DPYSL2: variants seen among roughly 807,000 people sequenced by gnomAD.
The protein encoded by DPYSL2 is dihydropyrimidinase-related protein 2.
A neutral mutation model predicts 69.9 loss-of-function variants in DPYSL2; 13 were observed. The observed-to-expected ratio is 0.19, with a 90% CI of 0.12 to 0.30. The LOEUF (loss-of-function observed/expected upper bound fraction) is 0.30. Ranked by LOEUF, DPYSL2 falls within the 10% of genes least tolerant of loss-of-function variation. The probability of loss-of-function intolerance (pLI) is 1.00; values close to 1 mark genes in which losing one functional copy is unlikely to be tolerated. For synonymous variants in DPYSL2, 326 were observed against 359.1 expected, an observed-to-expected ratio of 0.91 and a Z score of 1.04; for missense variants, 587 against 918.9, an observed-to-expected ratio of 0.64 and a Z score of 4.67.
intron 3 of DPYSL2, among the ~76,000 whole-genome samples, chr8:26,590,987 G>A (rs1309550489): frequency 2.0e-5 from 3 of 152,234 alleles, no homozygotes; most frequent in Non-Finnish European, 4.4e-5. Context: ...TCTGTTTCGT[G>A]GACATTGTGG....
chr8:26,522,338 A>C (rs1248264806), intron 1 of DPYSL2, among the ~76,000 whole-genome samples: 1 of 138,508 alleles, frequency 7.2e-6, no homozygotes. Flanking sequence ...CAAACAAACA[A>C]ATGTTTTCAG....
intron 1 of DPYSL2, among the ~76,000 whole-genome samples, chr8:26,541,355 T>C (rs1168241410): frequency 1.3e-5 from 2 of 152,178 alleles, no homozygotes; most frequent in Admixed American, 1.3e-4. Context: ...CAAACAAAAA[T>C]GAGGAGTTCA....
At position 26,565,381 on chromosome 8, in the gene DPYSL2, C is replaced by T. The variant is rs1801132965; in HGVS notation, c.355-16588C>T. ...GGGCTGCCCCAGGATTGGGAGGTTG[C>T]AGGGTAAGAGTAGCAGAATGATGCT... is the stretch of plus-strand genomic sequence containing the variant. On this transcript the variant is annotated intron_variant, in intron 1 of 13. Transcript: ENST00000521913. This position sits in a 1 kb window ranked among gnomAD's most constrained non-coding sequence, Gnocchi z 4.1. Among the ~76,000 whole-genome samples the T allele has an allele frequency of 6.6e-6, 1 of 152,092 alleles. No homozygotes were observed. Among genetic ancestry groups the T allele is most frequent in the Admixed American group, 6.6e-5 (1 of 15,262 alleles).
chr8:26,584,752 C>T (rs567277809), intron 3 of DPYSL2, among the ~76,000 whole-genome samples: 10 of 151,666 alleles, frequency 6.6e-5, no homozygotes, highest in East Asian at 5.8e-4. Flanking sequence ...CCCGAGTAGC[C>T]GGGACTACAG....
intron 7 of DPYSL2, among the ~76,000 whole-genome samples, chr8:26,632,241 A>C (rs894509): frequency 0.96 from 146,556 of 152,212 alleles, 70,675 homozygotes; most frequent in Non-Finnish European, 0.99. Context: ...AGCCTGCGTG[A>C]CAATCCGGGC....
intron 3 of DPYSL2, among the ~76,000 whole-genome samples, chr8:26,616,858 C>T (rs1802364034): frequency 2.0e-5 from 3 of 151,932 alleles, no homozygotes; most frequent in Admixed American, 1.3e-4. Context: ...AGTGAAGGCT[C>T]CTCATCCTCC....
At position 26,624,903 on chromosome 8, in the gene DPYSL2, A is replaced by G. The variant is rs1258865413; in HGVS notation, c.793+596A>G. 6.6e-6 allele frequency among the ~76,000 whole-genome samples: 1 copy of G among 152,164 alleles called. No individual in the cohort carries two copies. Among genetic ancestry groups the G allele is most frequent in the East Asian group, 1.9e-4 (1 of 5,196 alleles). ...CAAGGTGCCTCTGGGACTCTTGTCA[A>G]CAAGAACCTCGGGGGTTTGCGGGGA... On this transcript the variant is annotated intron_variant, in intron 4 of 13. Coordinates refer to ENST00000521913, the MANE Select transcript of DPYSL2 (RefSeq NM_001197293.3). The surrounding 1 kb of genome is among the most constrained non-coding windows in gnomAD (Gnocchi z 4.7).
chr8:26,631,660 C>A (rs1337034466), intron 7 of DPYSL2, among the ~76,000 whole-genome samples: 2 of 152,146 alleles, frequency 1.3e-5, no homozygotes, highest in Non-Finnish European at 2.9e-5. Context: ...GCTGGCAGAT[C>A]CAGGGATGCA....
rs969594149 is a variant in DPYSL2, at chr8:26,643,662, C to A, written c.1283+67C>A. 4.4e-6 allele frequency: 7 copies of A among 1,606,556 alleles called. No homozygotes were observed. Among genetic ancestry groups the A allele is most frequent in the East Asian group, 4.5e-5 (2 of 44,838 alleles). Reference sequence around the variant, plus strand: ...CTTCAGACCAGACTGACCTGTTAGGCGAAAACAACATGGTGGCCAAGAGCA... The same window carrying A: ...CTTCAGACCAGACTGACCTGTTAGGAGAAAACAACATGGTGGCCAAGAGCA... On this transcript the variant is annotated intron_variant, in intron 9 of 13. Coordinates refer to ENST00000521913, the MANE Select transcript of DPYSL2 (RefSeq NM_001197293.3). The surrounding 1 kb of genome is among the most constrained non-coding windows in gnomAD (Gnocchi z 6.5).
chr8:26,600,300 G>C (rs1050883993), intron 3 of DPYSL2, among the ~76,000 whole-genome samples: 1 of 152,062 alleles, frequency 6.6e-6, no homozygotes, highest in Non-Finnish European at 1.5e-5. Context: ...GGGTCATGTG[G>C]TCATTCTATG....
intron 1 of DPYSL2, among the ~76,000 whole-genome samples, chr8:26,563,866 T>C (rs369135835): frequency 6.6e-6 from 1 of 152,062 alleles, no homozygotes; most frequent in Non-Finnish European, 1.5e-5. Flanking sequence ...AATGAATGAA[T>C]GAATGAATGA....
At chr8:26,600,825 C>T (rs1243745994) in intron 3 of DPYSL2, among the ~76,000 whole-genome samples, 4 of 152,192 alleles carry the variant, frequency 2.6e-5, no homozygotes, top group Admixed American at 2.6e-4. Context: ...CACCGCTCCT[C>T]GAGATTTGCT....
chr8:26,570,409 G>T (rs1311590961), intron 1 of DPYSL2, among the ~76,000 whole-genome samples: 1 of 152,064 alleles, frequency 6.6e-6, no homozygotes, highest in Non-Finnish European at 1.5e-5. Context: ...GCACAAGGTG[G>T]GTCCCAGTTT....
In DPYSL2 at chr8:26,593,164, G is replaced by A. The variant is rs1801780241; in HGVS notation, c.628+9181G>A. On this transcript the variant is annotated intron_variant, in intron 3 of 13. Coordinates refer to ENST00000521913, the MANE Select transcript of DPYSL2 (RefSeq NM_001197293.3). The surrounding 1 kb of genome is among the most constrained non-coding windows in gnomAD (Gnocchi z 5.7). ...TGTTCCCCCTAATGACAGAGAGGAT[G>A]TTGCTGGGGGTTGGGTCGCGGTGGC... Among the ~76,000 whole-genome samples, 1 of 152,130 alleles carries A rather than the reference G, an allele frequency of 6.6e-6. No homozygotes were observed. Among genetic ancestry groups the A allele is most frequent in the Non-Finnish European group, 1.5e-5 (1 of 68,022 alleles).
At chr8:26,561,414 C>T (rs1801068522) in intron 1 of DPYSL2, among the ~76,000 whole-genome samples, 1 of 152,124 alleles carries the variant, frequency 6.6e-6, no homozygotes, top group South Asian at 2.1e-4. Flanking sequence ...TTCCTAAATT[C>T]ACATCTTAAG....
In DPYSL2 at chr8:26,588,913, C is replaced by T. The variant is rs576830775; in HGVS notation, c.628+4930C>T. Reference sequence around the variant, plus strand: ...GCTTTCATCTCTGTGTTACCTCTTGCACTCATTCCCTTACCCACACAGATT... The same window carrying T: ...GCTTTCATCTCTGTGTTACCTCTTGTACTCATTCCCTTACCCACACAGATT... On this transcript the variant is annotated intron_variant, in intron 3 of 13. Coordinates refer to ENST00000521913, the MANE Select transcript of DPYSL2 (RefSeq NM_001197293.3). The surrounding 1 kb of genome is among the most constrained non-coding windows in gnomAD (Gnocchi z 5.4). Among the ~76,000 whole-genome samples the T allele has an allele frequency of 9.9e-5, 15 of 152,214 alleles. No individual in the cohort carries two copies. Among genetic ancestry groups the T allele is most frequent in the Non-Finnish European group, 1.3e-4 (9 of 68,038 alleles).
At position 26,656,911 on chromosome 8, in the gene DPYSL2, C is replaced by T. The variant is rs1200650237; in HGVS notation, c.*1205C>T. 2 of 152,396 alleles carry T rather than the reference C, an allele frequency of 1.3e-5. No individual in the cohort carries two copies. The highest frequency in any genetic ancestry group is 6.5e-5 in the Admixed American group (1 of 15,278). 9.4% of individuals were successfully genotyped at this position (152,396 alleles called of 1,614,324 possible). A position where few individuals can be genotyped will look rare whatever the true frequency, so the allele number is the denominator to read the frequency against. On this transcript the variant is annotated 3_prime_UTR_variant, in exon 14 of 14. Transcript: ENST00000521913. ...TAAAGTCACGGTCAAACCTAAACAC[C>T]GAGCCTCATTAACCCAAGTGAACCA...
At chr8:26,549,969 G>T (rs1052361270) in intron 1 of DPYSL2, among the ~76,000 whole-genome samples, 2 of 152,132 alleles carry the variant, frequency 1.3e-5, no homozygotes, top group Admixed American at 6.5e-5. Context: ...TCTACTTAAA[G>T]AAAGGAAGAG....
chr8:26,605,608 A>G lies in DPYSL2; in HGVS notation c.629-18535A>G, dbSNP rs1359368910. 6.6e-6 allele frequency among the ~76,000 whole-genome samples: 1 copy of G among 152,240 alleles called. No individual in the cohort carries two copies. The highest frequency in any genetic ancestry group is 1.5e-5 in the Non-Finnish European group (1 of 68,046). ...CCATTCAAAGGAATTAAATGAAGAA[A>G]TATTTGATCTAAGAAGAAAGTTTAT... On this transcript the variant is annotated intron_variant, in intron 3 of 13. Coordinates refer to ENST00000521913, the MANE Select transcript of DPYSL2 (RefSeq NM_001197293.3). The surrounding 1 kb of genome is among the most constrained non-coding windows in gnomAD (Gnocchi z 4.1).
Sources: gnomAD v4.1 joint callset for allele counts (sites outside exome capture counted in the v4.1 genomes callset) on GRCh38, gnomAD v4.1.1 for gene constraint, Gnocchi (gnomAD v3.1) non-coding constraint, MANE v1.5 for transcripts, NCBI Gene and HGNC (gene_info 2026-07-23, HGNC 2026-07-21) for gene names.